The following NEK10 variants were observed in gnomAD, a reference collection of about 807,000 sequenced individuals.
NEK10 encodes serine/threonine-protein kinase Nek10.
NEK10 carries 122 observed loss-of-function variants against 159.8 expected under a neutral mutation model. That is an observed-to-expected ratio of 0.76 (90% CI 0.66 to 0.89). The LOEUF is 0.89. NEK10 is among the 40% of genes least tolerant of loss of function. NEK10 has a pLI of 0.00. For missense variants in NEK10, 1,342 were observed against 1,323.1 expected, an observed-to-expected ratio of 1.01 and a Z score of -0.22; for synonymous variants, 466 against 457.1, an observed-to-expected ratio of 1.02 and a Z score of -0.25.
intron 26 of NEK10, among the ~76,000 whole-genome samples, chr3:27,182,403 G>A (rs550470250): frequency 6.6e-6 from 1 of 152,148 alleles, no homozygotes; most frequent in South Asian, 2.1e-4. Context: ...AAACGGTGTG[G>A]TATTGGTCTA....
chr3:27,284,855 C>A lies in NEK10; in HGVS notation c.1896G>T (p.Trp632Cys). 2 of 1,583,050 alleles carry A rather than the reference C, an allele frequency of 1.3e-6. No individual in the cohort carries two copies. Among genetic ancestry groups the A allele is most frequent in the South Asian group, 1.1e-5 (1 of 89,930 alleles). Residue 632 changes from tryptophan (W) to cysteine (C), a missense_variant, in exon 21 of 36, where the codon TGG (tryptophan) becomes TGT (cysteine). By Grantham distance (215) the Trp-to-Cys change is radical. Transcript: ENST00000691995. ...KHHHFTEERL[W>C]KIFIQLCLAL... ...AAAAGCATACCTGTATAAATATTTT[C>A]CATAGTCTTTCTTCAGTAAAATGGT...
chr3:27,322,092 A>G, intron 6 of NEK10, 85 bp downstream of exon 6: 1 of 683,082 alleles, frequency 1.5e-6, no homozygotes, highest in Non-Finnish European at 2.6e-6. Flanking sequence ...AAAAGTAAAC[A>G]TGGACTACTT....
rs1471349457 is a variant in NEK10 at position 27,204,695 on chromosome 3, A to C, written c.2091-2138T>G. 3.1e-5 allele frequency among the ~76,000 whole-genome samples: 4 copies of C among 130,942 alleles called. No homozygotes were observed. In the Admixed American group the frequency reaches 3.4e-4, roughly 11 times the overall value. 85.9% of individuals were successfully genotyped at this position (130,942 alleles called of 152,430 possible). A position where few individuals can be genotyped will look rare whatever the true frequency, so the allele number is the denominator to read the frequency against. ...TGGTGTATATGTGCCACATTTTCTT[A>C]ATCCAGTCTATCATTGTTGGACATT... On this transcript the variant is annotated intron_variant, in intron 23 of 35. Transcript: ENST00000691995.
chr3:27,285,544 AC>A (rs1230410053), intron 20 of NEK10, among the ~76,000 whole-genome samples: 4 of 151,782 alleles, frequency 2.6e-5, no homozygotes, highest in African/African-American at 9.7e-5. Flanking sequence ...AAACAAACAA[AC>A]AAAAAAAAAC....
At chr3:27,234,010 GAAAA>G (rs999263305) in intron 23 of NEK10, among the ~76,000 whole-genome samples, 1 of 151,200 alleles carries the variant, frequency 6.6e-6, no homozygotes, top group Non-Finnish European at 1.5e-5. Flanking sequence ...GAGAACTAAA[GAAAA>G]AAAACAACAT....
In NEK10 at chr3:27,280,908, ATATGGTG is replaced by A. The variant is rs1460688209; in HGVS notation, c.2014+3687_2014+3693del. Reference sequence around the variant, plus strand: ...TGTGTATATGTGTGTGTATATGTACATATGGTGTGTGTGTGTGTGTGTGTGTGTGTAT... The same window carrying A: ...TGTGTATATGTGTGTGTATATGTACATGTGTGTGTGTGTGTGTGTGTGTAT... On this transcript the variant is annotated intron_variant, in intron 22 of 35. Transcript: ENST00000691995. Among the ~76,000 whole-genome samples, 5 of 118,452 alleles carry A rather than the reference ATATGGTG, an allele frequency of 4.2e-5. No individual in the cohort carries two copies. In the South Asian group the frequency reaches 7.8e-4, roughly 18 times the overall value. The allele number at this position is 118,452 out of a possible 152,430, so 77.7% of individuals were successfully genotyped here.
chr3:27,289,802 C>CTATATACTATATACTATAACTATATACTA (rs1373815686), intron 19 of NEK10, among the ~76,000 whole-genome samples: 3 of 152,186 alleles, frequency 2.0e-5, no homozygotes, highest in Admixed American at 1.3e-4. Flanking sequence ...ATAAAATCAA[C>CTATATACTATATACTATAACTATATACTA]TATAAAATAA....
chr3:27,299,209 C>T (rs779825885), intron 13 of NEK10, among the ~76,000 whole-genome samples: 9 of 152,100 alleles, frequency 5.9e-5, no homozygotes, highest in East Asian at 1.9e-4. Context: ...CTCTGCTGTG[C>T]GCAGTCTAGG....
At chr3:27,234,387 T>A (rs1394240351) in intron 23 of NEK10, among the ~76,000 whole-genome samples, 1 of 152,028 alleles carries the variant, frequency 6.6e-6, no homozygotes, top group Non-Finnish European at 1.5e-5. Context: ...CCCAAAAATT[T>A]CTTAAGCTGG....
chr3:27,356,777 ACT>A (rs1014462039), intron 1 of NEK10, among the ~76,000 whole-genome samples: 1 of 151,850 alleles, frequency 6.6e-6, no homozygotes, highest in African/African-American at 2.4e-5. Context: ...TTACCACAGC[ACT>A]CTGTTTTCTT....
chr3:27,308,837 G>A (rs1027860395), intron 10 of NEK10, 89 bp downstream of exon 10: 19 of 558,296 alleles, frequency 3.4e-5, no homozygotes. Context: ...GTATTAAGTA[G>A]TTGACAAAGT....
Position 27,307,878 on chromosome 3 carries a change from A to T in NEK10, c.784T>A (p.Tyr262Asn). 1 of 1,543,368 alleles carries T rather than the reference A, an allele frequency of 6.5e-7. No individual in the cohort carries two copies. Among genetic ancestry groups the T allele is most frequent in the Non-Finnish European group, 9.0e-7 (1 of 1,116,268 alleles). ...TCCTACCTTTTAGAAAGCAAGTCAT[A>T]TTCATGTAAAATCATCAACAGATTT... ...VENLLMILHE[Y>N]DLLSKRLTAE... is the part of the protein sequence containing the mutation. The change falls in exon 11 of 36, where the codon TAT (tyrosine) becomes AAT (asparagine). Residue 262 changes from tyrosine (Y) to asparagine (N), a missense_variant. Tyr to Asn is a moderately radical substitution (Grantham distance 143, BLOSUM62 -2). Coordinates refer to ENST00000691995, the MANE Select transcript of NEK10 (RefSeq NM_001394966.1).
intron 23 of NEK10, chr3:27,252,965 T>A (rs1387487784): frequency 4.1e-6 from 2 of 482,922 alleles, no homozygotes; most frequent in Admixed American, 2.2e-5. Flanking sequence ...AAATTTTGAG[T>A]GTATTATAGC....
chr3:27,248,112 T>C (rs192799354), intron 23 of NEK10, among the ~76,000 whole-genome samples: 2 of 152,138 alleles, frequency 1.3e-5, no homozygotes, highest in Admixed American at 1.3e-4. Flanking sequence ...GTTGTATGTG[T>C]CTAGTAATTT....
At chr3:27,240,725 C>A (rs1245163062) in intron 23 of NEK10, among the ~76,000 whole-genome samples, 2 of 150,334 alleles carry the variant, frequency 1.3e-5, no homozygotes, top group South Asian at 2.1e-4. Flanking sequence ...AATCTTGGCT[C>A]ACTGCAACCT....
At chr3:27,267,488 T>C (rs1488799376) in intron 22 of NEK10, among the ~76,000 whole-genome samples, 1 of 152,226 alleles carries the variant, frequency 6.6e-6, no homozygotes, top group Non-Finnish European at 1.5e-5. Flanking sequence ...TTTATATGTC[T>C]CTCACATTTT....
In NEK10 at chr3:27,174,636, G is replaced by C; in HGVS notation, c.2689+14C>G. 1.2e-6 allele frequency: 2 copies of C among 1,605,200 alleles called. No individual in the cohort carries two copies. Among genetic ancestry groups the C allele is most frequent in the Admixed American group, 3.4e-5 (2 of 58,648 alleles). ...CTAGCAGTACCTACGTTGACACACT[G>C]CCACTAGCAGTACCTTTCTCAGCAT... On this transcript the variant is annotated intron_variant, in intron 27 of 35. Coordinates refer to ENST00000691995, the MANE Select transcript of NEK10 (RefSeq NM_001394966.1).
chr3:27,149,693 C>A (rs1944645120), intron 30 of NEK10, among the ~76,000 whole-genome samples: 1 of 152,154 alleles, frequency 6.6e-6, no homozygotes, highest in African/African-American at 2.4e-5. Flanking sequence ...TTCCTATTCC[C>A]TGAGACACAA....
At chr3:27,203,488 C>T (rs2197436) in intron 23 of NEK10, among the ~76,000 whole-genome samples, 7 of 152,164 alleles carry the variant, frequency 4.6e-5, no homozygotes, top group South Asian at 2.1e-4. Context: ...TTTGTGAAGG[C>T]GAGTGTAGTT....
Sources: allele counts gnomAD v4.1 joint callset (sites outside exome capture counted in the v4.1 genomes callset), GRCh38; gene constraint gnomAD v4.1.1; transcripts MANE v1.5; gene names NCBI Gene and HGNC (gene_info 2026-07-23, HGNC 2026-07-21).